SLC49A4: variants seen among roughly 807,000 people sequenced by gnomAD.
The protein encoded by SLC49A4 is solute carrier family 49 member 4, also known as disrupted in renal cancer protein 2.
SLC49A4 carries 36 observed loss-of-function variants against 50.6 expected under a neutral mutation model. The observed-to-expected ratio is 0.71, with a 90% CI of 0.55 to 0.94. The LOEUF (loss-of-function observed/expected upper bound fraction) is 0.94. Among genes scored for constraint, SLC49A4 ranks in the 40% least tolerant of loss-of-function variants. The probability of loss-of-function intolerance (pLI) is 0.00; values close to 1 mark genes in which losing one functional copy is unlikely to be tolerated. For missense variants in SLC49A4, 503 were observed against 605.7 expected, an observed-to-expected ratio of 0.83 and a Z score of 1.78; for synonymous variants, 248 against 241.2, an observed-to-expected ratio of 1.03 and a Z score of -0.26.
In SLC49A4 at chr3:122,877,576, A is replaced by G. The variant is rs528877161; in HGVS notation, c.1322-1687A>G. On this transcript the variant is annotated intron_variant, in intron 8 of 8. Coordinates refer to ENST00000261038, the MANE Select transcript of SLC49A4 (RefSeq NM_032839.3). The stretch of plus-strand genomic sequence containing the variant: ...ATGTGTGTTGCTCTAGTTCCCCATA[A>G]AATACAGTCTCTAAGATATAGCAAC... Among the ~76,000 whole-genome samples, 8 of 152,312 alleles carry G rather than the reference A, an allele frequency of 5.3e-5. No individual in the cohort carries two copies. The South Asian group carries it at 1.0e-3, about 20-fold the overall frequency.
intron 2 of SLC49A4, among the ~76,000 whole-genome samples, chr3:122,816,998 C>A (rs1184660249): frequency 6.6e-6 from 1 of 152,154 alleles, no homozygotes; most frequent in Non-Finnish European, 1.5e-5. Flanking sequence ...AATAGTTAAT[C>A]ATCTCTACCA....
At chr3:122,812,248 C>T (rs1464437634) in intron 2 of SLC49A4, among the ~76,000 whole-genome samples, 1 of 152,058 alleles carries the variant, frequency 6.6e-6, no homozygotes, top group Non-Finnish European at 1.5e-5. Flanking sequence ...AGCCACTGCA[C>T]CCAGCCTATA....
intron 4 of SLC49A4, among the ~76,000 whole-genome samples, chr3:122,837,006 G>A (rs887109362): frequency 2.0e-5 from 3 of 152,166 alleles, no homozygotes; most frequent in African/African-American, 7.2e-5. Flanking sequence ...ACTTACAAGG[G>A]ATGTGAAGGA....
At chr3:122,850,234 G>A (rs916611916) in intron 5 of SLC49A4, among the ~76,000 whole-genome samples, 3 of 152,134 alleles carry the variant, frequency 2.0e-5, no homozygotes, top group Non-Finnish European at 2.9e-5. Context: ...TCACACGTAG[G>A]AATGCTCCTT....
rs570716101 is a variant in SLC49A4, at chr3:122,861,048, G to A, written c.1138+846G>A. Among the ~76,000 whole-genome samples, 20 of 152,012 alleles carry A rather than the reference G, an allele frequency of 1.3e-4. No homozygotes were observed. In the South Asian group the frequency reaches 2.9e-3, roughly 22 times the overall value. On this transcript the variant is annotated intron_variant, in intron 7 of 8. Coordinates refer to ENST00000261038, the MANE Select transcript of SLC49A4 (RefSeq NM_032839.3). ...GCATTATCTGTGCCTTTCTTCCATCGTTACATCTGCTTCTGAACCCTTCCC... is the reference window on the plus strand; with the variant it reads ...GCATTATCTGTGCCTTTCTTCCATCATTACATCTGCTTCTGAACCCTTCCC...
At position 122,877,250 on chromosome 3, in the gene SLC49A4, A is replaced by G. The variant is rs543055130; in HGVS notation, c.1322-2013A>G. ...AGCAGGAAAATGTAGAGGTTCCCCTATCTCTGACTTTTTGCTTTCTAAAAA... is the reference window on the plus strand; with the variant it reads ...AGCAGGAAAATGTAGAGGTTCCCCTGTCTCTGACTTTTTGCTTTCTAAAAA... On this transcript the variant is annotated intron_variant, in intron 8 of 8. Coordinates refer to ENST00000261038, the MANE Select transcript of SLC49A4 (RefSeq NM_032839.3). Among the ~76,000 whole-genome samples, 23 of 152,316 alleles carry G rather than the reference A, an allele frequency of 1.5e-4. No individual in the cohort carries two copies. The South Asian group carries it at 3.3e-3, about 22-fold the overall frequency.
Position 122,826,962 on chromosome 3 carries a change from T to A in SLC49A4, c.600T>A (p.Val200=). The A allele has an allele frequency of 6.2e-7, 1 of 1,614,240 alleles. No homozygotes were observed. The highest frequency in any genetic ancestry group is 8.5e-7 in the Non-Finnish European group (1 of 1,180,034). The change falls in exon 3 of 9, where the codon GTT becomes GTA. Residue 200 remains valine (V), a synonymous_variant. Coordinates refer to ENST00000261038, the MANE Select transcript of SLC49A4 (RefSeq NM_032839.3). ...SYLGGACAFL[V]GPLVVPAPNG... ...TTGGGGGAGCATGTGCATTTTTAGTTGGACCACTTGTTGTTCCAGCTCCCA... is the reference window on the plus strand; with the variant it reads ...TTGGGGGAGCATGTGCATTTTTAGTAGGACCACTTGTTGTTCCAGCTCCCA...
In SLC49A4 at chr3:122,860,058, A is replaced by G. The variant is rs2107579543; in HGVS notation, c.1011-17A>G. 1 of 1,596,556 alleles carries G rather than the reference A, an allele frequency of 6.3e-7. No individual in the cohort carries two copies. The highest frequency in any genetic ancestry group is 8.5e-7 in the Non-Finnish European group (1 of 1,172,412). ...TTTTAAATCCCACTAGAATTAATAGAGCATTTTTGTTTTTAGGTTTGCAGA... is the reference window on the plus strand; with the variant it reads ...TTTTAAATCCCACTAGAATTAATAGGGCATTTTTGTTTTTAGGTTTGCAGA... On this transcript the variant is annotated splice_polypyrimidine_tract_variant and intron_variant, in intron 6 of 8. Coordinates refer to ENST00000261038, the MANE Select transcript of SLC49A4 (RefSeq NM_032839.3).
chr3:122,879,543 T>C lies in SLC49A4; in HGVS notation c.*165T>C. The stretch of plus-strand genomic sequence containing the variant: ...TCACATTAATTTAATTACTACTAGG[T>C]AATAATAATGGGAGACTTGAGTGAT... On this transcript the variant is annotated 3_prime_UTR_variant, in exon 9 of 9. Transcript: ENST00000261038. 1.8e-6 allele frequency: 1 copy of C among 556,892 alleles called. No individual in the cohort carries two copies. The highest frequency in any genetic ancestry group is 3.1e-6 in the Non-Finnish European group (1 of 317,684). The allele number at this position is 556,892 out of a possible 1,614,324, so 34.5% of individuals were successfully genotyped here. A position where few individuals can be genotyped will look rare whatever the true frequency, so the allele number is the denominator to read the frequency against.
intron 8 of SLC49A4, among the ~76,000 whole-genome samples, chr3:122,874,204 C>G (rs1364937647): frequency 6.6e-6 from 1 of 152,188 alleles, no homozygotes; most frequent in Non-Finnish European, 1.5e-5. Context: ...TGCAGCAGAG[C>G]TCCGTACACA....
intron 4 of SLC49A4, among the ~76,000 whole-genome samples, chr3:122,834,847 A>G (rs1473297139): frequency 6.6e-6 from 1 of 152,164 alleles, no homozygotes; most frequent in Non-Finnish European, 1.5e-5. Context: ...AGTTAAGCTC[A>G]ATTAAAAATG....
intron 5 of SLC49A4, among the ~76,000 whole-genome samples, chr3:122,847,715 G>A (rs938154650): frequency 1.3e-5 from 2 of 151,830 alleles, no homozygotes; most frequent in Admixed American, 1.3e-4. Context: ...TATTTGGCTG[G>A]GTGTGGTGGT....
chr3:122,876,873 T>C lies in SLC49A4; in HGVS notation c.1322-2390T>C, dbSNP rs569527619. Among the ~76,000 whole-genome samples the C allele has an allele frequency of 2.0e-5, 3 of 152,246 alleles. No homozygotes were observed. The East Asian group carries it at 5.8e-4, about 29-fold the overall frequency. ...AGTAAAGTCGAGCACCTGTCTAAACTATAAGTTGGCAGAATGAGCACTCCG... is the reference window on the plus strand; with the variant it reads ...AGTAAAGTCGAGCACCTGTCTAAACCATAAGTTGGCAGAATGAGCACTCCG... On this transcript the variant is annotated intron_variant, in intron 8 of 8. Transcript: ENST00000261038.
intron 3 of SLC49A4, among the ~76,000 whole-genome samples, chr3:122,831,772 AGTT>A (rs1936611103): frequency 6.6e-6 from 1 of 152,146 alleles, no homozygotes; most frequent in Non-Finnish European, 1.5e-5. Flanking sequence ...ATCTCAGTGA[AGTT>A]GTTTACAAAA....
intron 5 of SLC49A4, 102 bp from the exon 6 acceptor site, chr3:122,856,205 C>T: frequency 6.2e-6 from 6 of 968,924 alleles, no homozygotes; most frequent in South Asian, 1.6e-5. Context: ...TTATTTCATC[C>T]ATTTAGCTAC....
chr3:122,804,993 C>T (rs909708927), intron 1 of SLC49A4, among the ~76,000 whole-genome samples: 6 of 152,072 alleles, frequency 3.9e-5, no homozygotes, highest in Admixed American at 2.0e-4. Context: ...TAATTAAAAA[C>T]AAACTCTTTA....
intron 7 of SLC49A4, among the ~76,000 whole-genome samples, chr3:122,868,745 A>G (rs1937154044): frequency 6.6e-6 from 1 of 152,204 alleles, no homozygotes; most frequent in Non-Finnish European, 1.5e-5. Flanking sequence ...CACATGTCCA[A>G]GTGATTTCCA....
intron 7 of SLC49A4, among the ~76,000 whole-genome samples, chr3:122,869,323 G>A (rs1937164552): frequency 6.6e-6 from 1 of 152,106 alleles, no homozygotes; most frequent in African/African-American, 2.4e-5. Context: ...ACGTGTATGT[G>A]CCGTTTATTT....
chr3:122,837,592 T>C (rs1308127145), intron 4 of SLC49A4, among the ~76,000 whole-genome samples: 1 of 152,114 alleles, frequency 6.6e-6, no homozygotes, highest in Non-Finnish European at 1.5e-5. Flanking sequence ...ACGTTAGACC[T>C]AAAACCATAA....
Sources: allele counts gnomAD v4.1 joint callset (sites outside exome capture counted in the v4.1 genomes callset), GRCh38; gene constraint gnomAD v4.1.1; transcripts MANE v1.5; gene names NCBI Gene and HGNC (gene_info 2026-07-23, HGNC 2026-07-21).